XKR7: variants seen among roughly 807,000 people sequenced by gnomAD.
XKR7 encodes XK related 7, also known as XK-related protein 7.
XKR7 carries 11 observed loss-of-function variants against 42.2 expected under a neutral mutation model. The ratio of observed to expected loss-of-function variants is 0.26; its 90% CI spans 0.16 to 0.43. The LOEUF (loss-of-function observed/expected upper bound fraction) is 0.43. XKR7 is among the 20% of genes least tolerant of loss of function. XKR7 has a pLI of 1.00. For synonymous variants in XKR7, 346 were observed against 366.4 expected (o/e 0.94, Z 0.64); for missense variants, 710 against 802.2 (o/e 0.89, Z 1.39).
rs185251011 is a variant in XKR7 at position 31,995,739 on chromosome 20, G to C, written c.787+469G>C. Reference sequence around the variant, plus strand: ...GCCTACCCCTTCACTGGGGGGCCCCGGGGGGCCCTCCCAGGCCTAGTCCTG... The same window carrying C: ...GCCTACCCCTTCACTGGGGGGCCCCCGGGGGCCCTCCCAGGCCTAGTCCTG... On this transcript the variant is annotated intron_variant, in intron 2 of 2. Coordinates refer to ENST00000562532, the MANE Select transcript of XKR7 (RefSeq NM_001011718.2). The surrounding 1 kb of genome is among the most constrained non-coding windows in gnomAD (Gnocchi z 4.1). Among the ~76,000 whole-genome samples, 1,285 of 151,794 alleles carry C rather than the reference G, an allele frequency of 8.5e-3. 17 individuals carry two copies. Among genetic ancestry groups the C allele is most frequent in the African/African-American group, 0.029 (1,203 of 41,370 alleles).
chr20:31,993,088 C>CCACACA (rs374683030), intron 1 of XKR7, among the ~76,000 whole-genome samples: 4,319 of 147,382 alleles, frequency 0.029, 203 homozygotes, highest in African/African-American at 0.1. Context: ...GGTTCCCCCT[C>CCACACA]CACACACACA....
intron 1 of XKR7, among the ~76,000 whole-genome samples, chr20:31,973,571 G>T (rs2064473451): frequency 6.6e-6 from 1 of 152,142 alleles, no homozygotes; most frequent in Non-Finnish European, 1.5e-5. Flanking sequence ...AGGGTGGTCA[G>T]GGTGGACCTC....
At chr20:31,978,043 G>A (rs539269316) in intron 1 of XKR7, among the ~76,000 whole-genome samples, 6 of 152,230 alleles carry the variant, frequency 3.9e-5, no homozygotes, top group Non-Finnish European at 7.4e-5. Flanking sequence ...GTGGCCTATG[G>A]GCAAATCCAG....
intron 1 of XKR7, among the ~76,000 whole-genome samples, chr20:31,972,348 C>G (rs1162487587): frequency 6.6e-6 from 1 of 152,156 alleles, no homozygotes; most frequent in South Asian, 2.1e-4. Context: ...TCTTTTACAC[C>G]ACACACTGGC....
intron 1 of XKR7, among the ~76,000 whole-genome samples, chr20:31,994,183 G>A (rs2064581312): frequency 6.6e-6 from 1 of 152,218 alleles, no homozygotes; most frequent in African/African-American, 2.4e-5. Flanking sequence ...ACAGGCCAGG[G>A]AGCTGCTGGT....
At chr20:31,981,234 G>A (rs1051709198) in intron 1 of XKR7, among the ~76,000 whole-genome samples, 1 of 151,798 alleles carries the variant, frequency 6.6e-6, no homozygotes, top group Non-Finnish European at 1.5e-5. Flanking sequence ...TCAGCTGGGT[G>A]CAGTTGCCCA....
chr20:31,989,874 A>G (rs1240141618), intron 1 of XKR7, among the ~76,000 whole-genome samples: 2 of 152,080 alleles, frequency 1.3e-5, no homozygotes, highest in African/African-American at 4.8e-5. Flanking sequence ...TGGCCTCCCA[A>G]AATGTTGGGA....
rs1431882368 is a variant in XKR7 at position 31,968,156 on chromosome 20, C to G, written c.-20C>G. 8.5e-7 allele frequency: 1 copy of G among 1,171,684 alleles called. No homozygotes were observed. The highest frequency in any genetic ancestry group is 1.1e-6 in the Non-Finnish European group (1 of 948,706). 72.6% of individuals were successfully genotyped at this position (1,171,684 alleles called of 1,614,324 possible). On this transcript the variant is annotated 5_prime_UTR_variant, in exon 1 of 3. Transcript: ENST00000562532. The surrounding 1 kb of genome is among the most constrained non-coding windows in gnomAD (Gnocchi z 4.5). ...CCCTCCGCCGCCCGGAAGTCGCTCC[C>G]CGCCTCCCTCTCCGCCAACATGGCC...
chr20:31,989,940 G>A (rs2122273933), intron 1 of XKR7, among the ~76,000 whole-genome samples: 1 of 152,262 alleles, frequency 6.6e-6, no homozygotes. Context: ...AAGATCAGAT[G>A]TACACCACCC....
Position 31,996,905 on chromosome 20 carries a change from C to T in XKR7, c.1188C>T (p.Ala396=). ...LYHCIVLLEN[A]ALTGFWYSSR... ...ACTGCATCGTCCTGCTGGAGAACGCCGCGCTCACCGGCTTCTGGTACTCCA... is the reference window on the plus strand; with the variant it reads ...ACTGCATCGTCCTGCTGGAGAACGCTGCGCTCACCGGCTTCTGGTACTCCA... Residue 396 remains alanine, a synonymous_variant, in exon 3 of 3, where the codon GCC becomes GCT. Coordinates refer to ENST00000562532, the MANE Select transcript of XKR7 (RefSeq NM_001011718.2). 3 of 1,613,892 alleles carry T rather than the reference C, an allele frequency of 1.9e-6. No homozygotes were observed. Among genetic ancestry groups the T allele is most frequent in the Non-Finnish European group, 2.5e-6 (3 of 1,180,018 alleles).
intron 1 of XKR7, among the ~76,000 whole-genome samples, chr20:31,989,390 G>A (rs902753049): frequency 6.6e-6 from 1 of 152,144 alleles, no homozygotes; most frequent in African/African-American, 2.4e-5. Flanking sequence ...GGGGAGAAGC[G>A]TGGGTTTTAT....
At chr20:31,978,743 G>C (rs2064497216) in intron 1 of XKR7, among the ~76,000 whole-genome samples, 1 of 152,188 alleles carries the variant, frequency 6.6e-6, no homozygotes, top group South Asian at 2.1e-4. Flanking sequence ...GAACATGTAG[G>C]TGTTAGAGAG....
chr20:31,974,575 T>G (rs2064477354), intron 1 of XKR7, among the ~76,000 whole-genome samples: 1 of 152,198 alleles, frequency 6.6e-6, no homozygotes, highest in Non-Finnish European at 1.5e-5. Context: ...TAAATAATGT[T>G]TAGTGTTCAG....
chr20:31,984,698 G>A (rs2064529354), intron 1 of XKR7, among the ~76,000 whole-genome samples: 1 of 152,214 alleles, frequency 6.6e-6, no homozygotes, highest in African/African-American at 2.4e-5. Flanking sequence ...GAGGTCCATT[G>A]TGTCTTACCG....
chr20:31,970,418 G>A (rs1487079974), intron 1 of XKR7: 2 of 152,354 alleles, frequency 1.3e-5, no homozygotes, highest in African/African-American at 4.8e-5. Context: ...ATGGCCATGG[G>A]TGTGGGGTCC....
chr20:31,975,398 T>A (rs2064480618), intron 1 of XKR7, among the ~76,000 whole-genome samples: 1 of 152,038 alleles, frequency 6.6e-6, no homozygotes. Flanking sequence ...TTGCTCTCCA[T>A]TGCCTGCAGT....
At chr20:31,970,001 T>C (rs1487253273) in intron 1 of XKR7, among the ~76,000 whole-genome samples, 1 of 152,240 alleles carries the variant, frequency 6.6e-6, no homozygotes, top group East Asian at 1.9e-4. Flanking sequence ...TCACTCTTGT[T>C]GTGTTGTCGA....
chr20:31,977,273 A>G (rs978952589), intron 1 of XKR7, among the ~76,000 whole-genome samples: 4 of 152,244 alleles, frequency 2.6e-5, no homozygotes, highest in African/African-American at 9.6e-5. Context: ...CTTTGAGATC[A>G]GAATCTTGGA....
Position 32,002,712 on chromosome 20 carries a change from G to A in XKR7, c.*5255G>A, listed in dbSNP as rs887441583. Reference sequence around the variant, plus strand: ...ATTAACTCAAGCTGAGCTTCTGATTGCAGATAAATGTTTCTAAGGCCTCAA... The same window carrying A: ...ATTAACTCAAGCTGAGCTTCTGATTACAGATAAATGTTTCTAAGGCCTCAA... On this transcript the variant is annotated 3_prime_UTR_variant, in exon 3 of 3. Transcript: ENST00000562532. 3.3e-5 allele frequency: 5 copies of A among 152,172 alleles called. No homozygotes were observed. The highest frequency in any genetic ancestry group is 7.3e-5 in the Non-Finnish European group (5 of 68,036). The allele number at this position is 152,172 out of a possible 1,614,324, so 9.4% of individuals were successfully genotyped here.
Sources: gnomAD v4.1 joint callset for allele counts (sites outside exome capture counted in the v4.1 genomes callset) on GRCh38, gnomAD v4.1.1 for gene constraint, Gnocchi (gnomAD v3.1) non-coding constraint, MANE v1.5 for transcripts, NCBI Gene and HGNC (gene_info 2026-07-23, HGNC 2026-07-21) for gene names.